GALNT12: variants seen among roughly 807,000 people sequenced by gnomAD.
GALNT12 encodes the protein UDP-GalNAc:polypeptide N-acetylgalactosaminyltransferase 12.
A neutral mutation model predicts 55.5 loss-of-function variants in GALNT12; 45 were observed. The ratio of observed to expected loss-of-function variants is 0.81; its 90% CI spans 0.64 to 1.04. The LOEUF (loss-of-function observed/expected upper bound fraction) is 1.04. Among genes scored for constraint, GALNT12 ranks in the 50% least tolerant of loss-of-function variants. GALNT12 has a pLI of 0.00. For missense variants in GALNT12, 709 were observed against 754.8 expected (o/e 0.94, Z 0.71); for synonymous variants, 304 against 312.2 (o/e 0.97, Z 0.28).
Position 98,831,814 on chromosome 9 carries a change from T to C in GALNT12, c.774T>C (p.Asp258=), listed in dbSNP as rs1836003689. The change falls in exon 4 of 10, where the codon GAT becomes GAC. Residue 258 remains aspartate, a synonymous_variant. Transcript: ENST00000375011. ...CGGCAGTGGTGTGCCCGGTGATTGA[T>C]GTGATCGACTGGAACACCTTCGAAT... is the stretch of plus-strand genomic sequence containing the variant. ...EESAVVCPVI[D]VIDWNTFEYL... 1 of 1,614,216 alleles carries C rather than the reference T, an allele frequency of 6.2e-7. No homozygotes were observed. Among genetic ancestry groups the C allele is most frequent in the Non-Finnish European group, 8.5e-7 (1 of 1,180,046 alleles).
chr9:98,807,791 C>CGGGCT lies in GALNT12; in HGVS notation c.99_103dup (p.Ser35TrpfsTer110). Reference sequence around the variant, plus strand: ...TGCTCCTGGCGCTACTGGCGTTGGCCGGGCTGGGCTCGGTGCTGCGGGCGC... The same window carrying CGGGCT: ...TGCTCCTGGCGCTACTGGCGTTGGCCGGGCTGGGCTGGGCTCGGTGCTGCGGGCGC... On this transcript the variant is annotated frameshift_variant, in exon 1 of 10. Coordinates refer to ENST00000375011, the MANE Select transcript of GALNT12 (RefSeq NM_024642.5). LOFTEE classifies it high-confidence loss of function. 8.9e-7 allele frequency: 1 copy of CGGGCT among 1,125,748 alleles called. No individual in the cohort carries two copies. Among genetic ancestry groups the CGGGCT allele is most frequent in the African/African-American group, 1.7e-5 (1 of 59,642 alleles). The allele number at this position is 1,125,748 out of a possible 1,614,324, so 69.7% of individuals were successfully genotyped here.
intron 1 of GALNT12, among the ~76,000 whole-genome samples, chr9:98,815,659 C>A (rs1034254895): frequency 2.0e-5 from 3 of 152,138 alleles, no homozygotes; most frequent in African/African-American, 7.2e-5. Flanking sequence ...ATGATCTAAT[C>A]TTTTAAAAAT....
intron 3 of GALNT12, among the ~76,000 whole-genome samples, chr9:98,827,810 TG>T (rs1401982202): frequency 3.3e-5 from 5 of 152,198 alleles, no homozygotes; most frequent in Non-Finnish European, 7.3e-5. Context: ...TTAATATGTC[TG>T]GTTGTTATAG....
At chr9:98,819,406 T>TG (rs1185221759) in intron 1 of GALNT12, among the ~76,000 whole-genome samples, 3 of 152,206 alleles carry the variant, frequency 2.0e-5, no homozygotes, top group Admixed American at 1.3e-4. Flanking sequence ...GGATGCCCAG[T>TG]GGCTTCACAA....
At chr9:98,820,501 A>C (rs1295810539) in intron 1 of GALNT12, among the ~76,000 whole-genome samples, 1 of 152,196 alleles carries the variant, frequency 6.6e-6, no homozygotes, top group African/African-American at 2.4e-5. Context: ...TCTATCATTG[A>C]TGGGCATTTA....
At chr9:98,815,332 A>G (rs901825604) in intron 1 of GALNT12, among the ~76,000 whole-genome samples, 16 of 152,224 alleles carry the variant, frequency 1.1e-4, no homozygotes, top group African/African-American at 3.4e-4. Flanking sequence ...TTTGTGTTAG[A>G]TGATTTTGCC....
At position 98,813,501 on chromosome 9, in the gene GALNT12, AT is replaced by A. The variant is rs71369577; in HGVS notation, c.371+5445del. ...GTCGGCTAAGCCATCCATTTAAAAA[AT>A]TTTTTTTTTTTTGAGATGGAGTTTT... On this transcript the variant is annotated intron_variant, in intron 1 of 9. Coordinates refer to ENST00000375011, the MANE Select transcript of GALNT12 (RefSeq NM_024642.5). Among the ~76,000 whole-genome samples the A allele has an allele frequency of 4.8e-4, 71 of 148,372 alleles. 1 individual carries two copies. Among genetic ancestry groups the A allele is most frequent in the Non-Finnish European group, 4.3e-4 (29 of 66,962 alleles).
chr9:98,834,987 G>A (rs1374871586), intron 4 of GALNT12, among the ~76,000 whole-genome samples: 1 of 152,080 alleles, frequency 6.6e-6, no homozygotes, highest in East Asian at 1.9e-4. Flanking sequence ...TGTTCTCCCA[G>A]GGCCCTGGCT....
At chr9:98,811,746 G>A (rs376314489) in intron 1 of GALNT12, among the ~76,000 whole-genome samples, 1 of 148,442 alleles carries the variant, frequency 6.7e-6, no homozygotes, top group Non-Finnish European at 1.5e-5. Context: ...ACAATGGTGC[G>A]ATCTTGGCTC....
intron 2 of GALNT12, among the ~76,000 whole-genome samples, chr9:98,826,030 G>A (rs1296924168): frequency 6.6e-6 from 1 of 152,056 alleles, no homozygotes; most frequent in Non-Finnish European, 1.5e-5. Context: ...TTTATAGACA[G>A]GCTCTCACTC....
chr9:98,810,564 A>G (rs1446651705), intron 1 of GALNT12, among the ~76,000 whole-genome samples: 5 of 152,202 alleles, frequency 3.3e-5, no homozygotes, highest in Admixed American at 2.6e-4. Flanking sequence ...ACTTTTAATG[A>G]AAGTCTTTAC....
chr9:98,818,567 A>G (rs1003270013), intron 1 of GALNT12, among the ~76,000 whole-genome samples: 1 of 152,010 alleles, frequency 6.6e-6, no homozygotes, highest in Non-Finnish European at 1.5e-5. Context: ...TTCCTAATCT[A>G]GTATCTAAGC....
At chr9:98,828,760 A>T (rs1357877162) in intron 3 of GALNT12, among the ~76,000 whole-genome samples, 1 of 152,188 alleles carries the variant, frequency 6.6e-6, no homozygotes, top group Admixed American at 6.5e-5. Flanking sequence ...CATAATAATC[A>T]CATCAGAGGA....
At chr9:98,848,799 A>C in intron 9 of GALNT12, 153 bp from the exon 10 acceptor site, 1 of 854,088 alleles carries the variant, frequency 1.2e-6, no homozygotes, top group Non-Finnish European at 1.9e-6. Context: ...TGTCCCCGGG[A>C]CAGTCCTGAG....
rs118017100 is a variant in GALNT12, at chr9:98,843,531, C to T, written c.1345-565C>T. Among the ~76,000 whole-genome samples, 1,420 of 152,136 alleles carry T rather than the reference C, an allele frequency of 9.3e-3. 9 individuals are homozygous for T. The highest frequency in any genetic ancestry group is 0.02 in the Middle Eastern group (6 of 294). On this transcript the variant is annotated intron_variant, in intron 7 of 9. Transcript: ENST00000375011. ...AAGTGATTCTCCCGCCTCAGTCTCC[C>T]AAGTAGCTGGTACTACAGGTGCACC... is the stretch of plus-strand genomic sequence containing the variant.
At chr9:98,844,613 A>T (rs1836371335) in intron 8 of GALNT12, 1 of 263,888 alleles carries the variant, frequency 3.8e-6, no homozygotes, top group Admixed American at 5.2e-5. Context: ...CCTGCCTCTA[A>T]CACCTTGGGT....
At position 98,845,650 on chromosome 9, in the gene GALNT12, T is replaced by A. The variant is rs75895880; in HGVS notation, c.1459-327T>A. 0.046 allele frequency among the ~76,000 whole-genome samples: 7,008 copies of A among 152,194 alleles called. 248 individuals are homozygous for A. The highest frequency in any genetic ancestry group is 0.16 in the East Asian group (828 of 5,172). ...GAGCCCCCAAGAGCTAGTGCTGCGA[T>A]GGGTCCATTTCCCTTCCTCCCATCC... On this transcript the variant is annotated intron_variant, in intron 8 of 9. Coordinates refer to ENST00000375011, the MANE Select transcript of GALNT12 (RefSeq NM_024642.5).
intron 7 of GALNT12, 23 bp downstream of exon 7, chr9:98,840,156 C>CGGCA: frequency 6.2e-7 from 1 of 1,612,166 alleles, no homozygotes. Context: ...GGTGGGCCCA[C>CGGCA]GGCAGGCAGG....
chr9:98,841,591 AAAG>A (rs890547292), intron 7 of GALNT12, among the ~76,000 whole-genome samples: 5 of 152,202 alleles, frequency 3.3e-5, no homozygotes, highest in Non-Finnish European at 5.9e-5. Context: ...AATTTTTCAT[AAAG>A]AAGAACACTC....
Sources: gnomAD v4.1 joint callset for allele counts (sites outside exome capture counted in the v4.1 genomes callset) on GRCh38, gnomAD v4.1.1 for gene constraint, MANE v1.5 for transcripts, NCBI Gene and HGNC (gene_info 2026-07-23, HGNC 2026-07-21) for gene names.